TMEM132D: variants seen among roughly 807,000 people sequenced by gnomAD.
The protein encoded by TMEM132D is transmembrane protein 132D.
A neutral mutation model predicts 62.3 loss-of-function variants in TMEM132D; 21 were observed. The observed-to-expected ratio is 0.34, with a 90% CI of 0.24 to 0.49. TMEM132D has a LOEUF of 0.49. Ranked by LOEUF, TMEM132D falls within the 20% of genes least tolerant of loss-of-function variation. The probability of loss-of-function intolerance (pLI) is 0.99; values close to 1 mark genes in which losing one functional copy is unlikely to be tolerated. For synonymous variants in TMEM132D, 621 were observed against 575.6 expected, an observed-to-expected ratio of 1.08 and a Z score of -1.13; for missense variants, 1,346 against 1,402.8, an observed-to-expected ratio of 0.96 and a Z score of 0.65.
intron 5 of TMEM132D, among the ~76,000 whole-genome samples, chr12:129,159,953 GAAGT>G (rs1877355290): frequency 6.6e-6 from 1 of 152,024 alleles, no homozygotes; most frequent in Non-Finnish European, 1.5e-5. Context: ...ATCTCTCCGT[GAAGT>G]AAGAGCTGAG....
intron 1 of TMEM132D, among the ~76,000 whole-genome samples, chr12:129,725,553 A>T (rs1562939): frequency 6.6e-6 from 1 of 152,114 alleles, no homozygotes; most frequent in South Asian, 2.1e-4. Flanking sequence ...GCAGTGAGCA[A>T]ACTCAACCCT....
intron 2 of TMEM132D, among the ~76,000 whole-genome samples, chr12:129,553,289 G>A (rs532028725): frequency 1.0e-3 from 154 of 152,192 alleles, no homozygotes; most frequent in African/African-American, 3.5e-3. Context: ...CTGGGGCTAC[G>A]AGACTTTGCA....
chr12:129,342,177 A>G (rs912169995), intron 3 of TMEM132D, among the ~76,000 whole-genome samples: 9 of 152,332 alleles, frequency 5.9e-5, no homozygotes, highest in Non-Finnish European at 1.2e-4. Flanking sequence ...TTCAAACTAT[A>G]CTACAAGGCT....
intron 1 of TMEM132D, among the ~76,000 whole-genome samples, chr12:129,845,014 C>A (rs1018089179): frequency 6.6e-6 from 1 of 152,162 alleles, no homozygotes; most frequent in Non-Finnish European, 1.5e-5. Flanking sequence ...CCAACCAACT[C>A]CCACGGAGCC....
At chr12:129,409,474 G>A (rs949301716) in intron 3 of TMEM132D, among the ~76,000 whole-genome samples, 15 of 152,146 alleles carry the variant, frequency 9.9e-5, no homozygotes, top group Non-Finnish European at 1.8e-4. Context: ...AACTTTCTAC[G>A]TTTTTTAATC....
At chr12:129,160,110 G>A (rs1877359048) in intron 5 of TMEM132D, among the ~76,000 whole-genome samples, 1 of 152,228 alleles carries the variant, frequency 6.6e-6, no homozygotes, top group South Asian at 2.1e-4. Context: ...ACTTATCTCA[G>A]TGGATTGTGT....
chr12:129,585,815 ATG>A (rs34364323), intron 2 of TMEM132D, among the ~76,000 whole-genome samples: 86 of 147,650 alleles, frequency 5.8e-4, no homozygotes, highest in South Asian at 3.7e-3. Context: ...ATATGCATGC[ATG>A]TGTGTGTGTG....
intron 2 of TMEM132D, among the ~76,000 whole-genome samples, chr12:129,532,209 C>T (rs984224803): frequency 7.9e-5 from 12 of 152,162 alleles, no homozygotes; most frequent in African/African-American, 2.9e-4. Context: ...AGTCTTGAAG[C>T]GAGAGTACCA....
chr12:129,164,087 C>T (rs993946925), intron 5 of TMEM132D, among the ~76,000 whole-genome samples: 1 of 152,184 alleles, frequency 6.6e-6, no homozygotes, highest in Non-Finnish European at 1.5e-5. Context: ...CAGTATGCAG[C>T]TCGATTTATA....
intron 4 of TMEM132D, among the ~76,000 whole-genome samples, chr12:129,295,039 C>G (rs916238586): frequency 6.6e-6 from 1 of 152,142 alleles, no homozygotes; most frequent in Non-Finnish European, 1.5e-5. Flanking sequence ...GCAAATTGCC[C>G]TCCATAATGT....
At chr12:129,236,514 C>CAAA (rs60745384) in intron 4 of TMEM132D, among the ~76,000 whole-genome samples, 3,207 of 66,796 alleles carry the variant, frequency 0.048, 211 homozygotes, top group African/African-American at 0.14. Context: ...GACTCCATCT[C>CAAA]AAAAAAAAAA....
At chr12:129,480,976 G>A (rs186778048) in intron 3 of TMEM132D, among the ~76,000 whole-genome samples, 39 of 152,096 alleles carry the variant, frequency 2.6e-4, no homozygotes, top group Admixed American at 1.6e-3. Context: ...GAAACATGGC[G>A]GATGAACACT....
intron 2 of TMEM132D, among the ~76,000 whole-genome samples, chr12:129,557,114 T>C (rs984985875): frequency 2.6e-5 from 4 of 152,218 alleles, no homozygotes; most frequent in African/African-American, 9.7e-5. Context: ...ACCTCTTCCT[T>C]ATCAGAGTTA....
At chr12:129,180,857 C>T (rs537325416) in intron 5 of TMEM132D, among the ~76,000 whole-genome samples, 10 of 151,708 alleles carry the variant, frequency 6.6e-5, no homozygotes, top group African/African-American at 9.7e-5. Context: ...GAGTCAGGGC[C>T]GGGGAGAGCC....
At chr12:129,267,991 C>T (rs1195188342) in intron 4 of TMEM132D, among the ~76,000 whole-genome samples, 1 of 152,196 alleles carries the variant, frequency 6.6e-6, no homozygotes, top group Non-Finnish European at 1.5e-5. Flanking sequence ...ATGTAGAAAG[C>T]TGAAACTGGA....
chr12:129,341,880 A>G (rs1221641572), intron 3 of TMEM132D, among the ~76,000 whole-genome samples: 1 of 152,128 alleles, frequency 6.6e-6, no homozygotes, highest in South Asian at 2.1e-4. Flanking sequence ...GATGTGAAGG[A>G]CCTCTTCAAG....
chr12:129,343,774 A>AC (rs892040955), intron 3 of TMEM132D, among the ~76,000 whole-genome samples: 7 of 150,924 alleles, frequency 4.6e-5, no homozygotes, highest in South Asian at 2.1e-4. Context: ...AAAAAAACAA[A>AC]AAAAAAAAAC....
rs184082912 is a variant in TMEM132D, at chr12:129,549,545, C to A, written c.969-18340G>T. 3.9e-5 allele frequency among the ~76,000 whole-genome samples: 6 copies of A among 152,306 alleles called. No homozygotes were observed. The East Asian group carries it at 1.2e-3, about 29-fold the overall frequency. On this transcript the variant is annotated intron_variant, in intron 2 of 8. Coordinates refer to ENST00000422113, the MANE Select transcript of TMEM132D (RefSeq NM_133448.3). Reference sequence around the variant, plus strand: ...ACACCATGTAAGACGTGCCTTTACTCCTCCTTTGCCTTCTGCCATGATTGT... The same window carrying A: ...ACACCATGTAAGACGTGCCTTTACTACTCCTTTGCCTTCTGCCATGATTGT...
At chr12:129,506,077 T>C (rs1337792650) in intron 3 of TMEM132D, among the ~76,000 whole-genome samples, 1 of 152,250 alleles carries the variant, frequency 6.6e-6, no homozygotes, top group Non-Finnish European at 1.5e-5. Flanking sequence ...ATTTGTTGCC[T>C]GAATACCTTG....
Sources: gnomAD v4.1 joint callset for allele counts (sites outside exome capture counted in the v4.1 genomes callset) on GRCh38, gnomAD v4.1.1 for gene constraint, MANE v1.5 for transcripts, NCBI Gene and HGNC (gene_info 2026-07-23, HGNC 2026-07-21) for gene names.